UGGT1: variants seen among roughly 807,000 people sequenced by gnomAD.
UGGT1 encodes the protein UDP-glucose:glycoprotein glucosyltransferase 1.
Under a neutral mutation model 203.9 loss-of-function variants are expected in UGGT1, and 107 were observed. The ratio of observed to expected loss-of-function variants is 0.52; its 90% CI spans 0.45 to 0.62. The LOEUF (loss-of-function observed/expected upper bound fraction) is 0.62, where lower values mean the gene tolerates loss of function less well. UGGT1 is among the 20% of genes least tolerant of loss of function. The pLI is 0.00. For missense variants in UGGT1, 1,673 were observed against 1,867.2 expected, an observed-to-expected ratio of 0.90 and a Z score of 1.92; for synonymous variants, 628 against 653.5, an observed-to-expected ratio of 0.96 and a Z score of 0.59.
At chr2:128,095,435 T>TTTC (rs1687071265) in intron 1 of UGGT1, among the ~76,000 whole-genome samples, 1 of 140,136 alleles carries the variant, frequency 7.1e-6, no homozygotes, top group African/African-American at 2.7e-5. Context: ...CCCTCCTCCT[T>TTTC]CTCTTCCTCC....
At chr2:128,143,022 A>G in intron 16 of UGGT1, 72 bp from the exon 17 acceptor site, 1 of 1,418,612 alleles carries the variant, frequency 7.0e-7, no homozygotes, top group Admixed American at 2.6e-5. Flanking sequence ...CTAAATTCAG[A>G]AAAATGTGGA....
chr2:128,113,255 A>G lies in UGGT1; in HGVS notation c.693A>G (p.Ile231Met). The change falls in exon 6 of 41, where the codon ATA becomes ATG. Residue 231 changes from isoleucine to methionine, a missense_variant. By Grantham distance (10) the Ile-to-Met change is conservative. Around this residue, in one of 4 missense-constraint regions of UGGT1, gnomAD observed 1,073 missense variants for 1,078.7 expected, o/e 0.99. Transcript: ENST00000259253. ...GKINYVFRHY[I>M]FNPRKEPVYL... ...TCAATTATGTATTCAGACATTATAT[A>G]TTTGTAAGTATTGACTTATTTTACA... The G allele has an allele frequency of 6.3e-7, 1 of 1,592,990 alleles. No individual in the cohort carries two copies. The highest frequency in any genetic ancestry group is 8.6e-7 in the Non-Finnish European group (1 of 1,167,832).
At chr2:128,158,976 G>A (rs926901883) in intron 22 of UGGT1, among the ~76,000 whole-genome samples, 3 of 152,134 alleles carry the variant, frequency 2.0e-5, no homozygotes, top group East Asian at 1.9e-4. Context: ...TATATTTACC[G>A]GGAAGGTAAG....
At chr2:128,137,527 CT>C (rs139860824) in intron 15 of UGGT1, among the ~76,000 whole-genome samples, 1,970 of 152,318 alleles carry the variant, frequency 0.013, 53 homozygotes, top group African/African-American at 0.045. Flanking sequence ...TTAATAGTAT[CT>C]TTCACAGGGC....
rs866339164 is a variant in UGGT1, at chr2:128,125,377, A to G, written c.1135-1984A>G. On this transcript the variant is annotated intron_variant, in intron 11 of 40. Transcript: ENST00000259253. Reference sequence around the variant, plus strand: ...AGGGCTTTATATCAGAACTTAGCTAATAATCACCCCTTGTACATGTCCTGT... The same window carrying G: ...AGGGCTTTATATCAGAACTTAGCTAGTAATCACCCCTTGTACATGTCCTGT... 3.9e-5 allele frequency among the ~76,000 whole-genome samples: 6 copies of G among 152,286 alleles called. No homozygotes were observed. The Middle Eastern group carries it at 0.01, about 259-fold the overall frequency.
chr2:128,115,166 G>C lies in UGGT1; in HGVS notation c.739G>C (p.Glu247Gln), dbSNP rs762846484. ...EPVYLSGYGV[E>Q]LAIKSTEYKA... ...TGTTTACCTCTCTGGCTATGGCGTGGAATTGGCCATTAAGAGCACTGAGTA... is the reference window on the plus strand; with the variant it reads ...TGTTTACCTCTCTGGCTATGGCGTGCAATTGGCCATTAAGAGCACTGAGTA... The change falls in exon 7 of 41, where the codon GAA (glutamate) becomes CAA (glutamine). Residue 247 changes from glutamate to glutamine, a missense_variant. Transcript: ENST00000259253. 1 of 1,614,088 alleles carries C rather than the reference G, an allele frequency of 6.2e-7. No individual in the cohort carries two copies. The highest frequency in any genetic ancestry group is 8.5e-7 in the Non-Finnish European group (1 of 1,179,970).
intron 13 of UGGT1, among the ~76,000 whole-genome samples, chr2:128,131,280 G>A (rs1019965427): frequency 3.6e-5 from 5 of 138,056 alleles, no homozygotes; most frequent in Admixed American, 7.2e-5. Context: ...CCAGTCAGGC[G>A]CGGTGGCTCA....
At chr2:128,188,811 G>C (rs2104846738) in intron 40 of UGGT1, among the ~76,000 whole-genome samples, 1 of 152,262 alleles carries the variant, frequency 6.6e-6, no homozygotes, top group African/African-American at 2.4e-5. Context: ...GCAAGACCCT[G>C]TCTCAAAATA....
At chr2:128,120,287 G>C in intron 8 of UGGT1, 69 bp from the exon 9 acceptor site, 1 of 1,428,440 alleles carries the variant, frequency 7.0e-7, no homozygotes, top group Non-Finnish European at 9.7e-7. Context: ...AGATAAAGTT[G>C]GTTTACTTCT....
intron 13 of UGGT1, among the ~76,000 whole-genome samples, chr2:128,132,824 G>A (rs977002838): frequency 3.9e-5 from 6 of 151,962 alleles, no homozygotes; most frequent in African/African-American, 7.3e-5. Context: ...TGATCATCCC[G>A]CCTCAGCCTC....
At chr2:128,178,435 C>T in intron 33 of UGGT1, 33 bp from the exon 34 acceptor site, 1 of 1,564,004 alleles carries the variant, frequency 6.4e-7, no homozygotes, top group Non-Finnish European at 8.7e-7. Flanking sequence ...ATGAGTGTTT[C>T]AAGTGGTCTT....
intron 17 of UGGT1, among the ~76,000 whole-genome samples, chr2:128,144,536 A>T: frequency 6.6e-6 from 1 of 152,224 alleles, no homozygotes; most frequent in East Asian, 1.9e-4. Context: ...TCAAAACTAA[A>T]GTTAGATGAA....
chr2:128,151,527 A>G (rs992508973), intron 18 of UGGT1, among the ~76,000 whole-genome samples: 1 of 152,212 alleles, frequency 6.6e-6, no homozygotes, highest in African/African-American at 2.4e-5. Flanking sequence ...TGATTGGTTC[A>G]TATGCTCCTT....
chr2:128,107,568 G>A (rs73957672), intron 3 of UGGT1, among the ~76,000 whole-genome samples: 42 of 152,302 alleles, frequency 2.8e-4, no homozygotes, highest in Middle Eastern at 6.8e-3. Flanking sequence ...AAACAAAGAC[G>A]TGTTCTGGGA....
chr2:128,144,704 T>C (rs1191529964), intron 17 of UGGT1, among the ~76,000 whole-genome samples: 1 of 152,236 alleles, frequency 6.6e-6, no homozygotes, highest in Non-Finnish European at 1.5e-5. Context: ...TGCCATGTTT[T>C]AGGCTGTCAG....
At position 128,161,220 on chromosome 2, in the gene UGGT1, G is replaced by A. The variant is rs1188753100; in HGVS notation, c.2777G>A (p.Gly926Glu). Residue 926 changes from glycine to glutamate, a missense_variant, in exon 25 of 41, where the codon GGA (glycine) becomes GAA (glutamate). By Grantham distance (98) the Gly-to-Glu change is moderately conservative. Transcript: ENST00000259253. ...GAAAATATCATCTTAAAAACCTCAG[G>A]ACAGAAAATAAAATCTCATATTCAA... ...LLENIILKTS[G>E]QKIKSHIQQL... is the part of the protein sequence containing the mutation. 3.1e-6 allele frequency: 5 copies of A among 1,613,828 alleles called. No individual in the cohort carries two copies. In the South Asian group the frequency reaches 4.4e-5, roughly 14 times the overall value.
chr2:128,120,377 G>A lies in UGGT1; in HGVS notation c.894G>A (p.Glu298=). ...TTAGAGATCTGCACCCCGACCTGGA[G>A]GGACAGTTGAAAGAACTCAGAAAGC... ...GKLRDLHPDL[E]GQLKELRKHL... Residue 298 remains glutamate, a synonymous_variant, in exon 9 of 41, where the codon GAG becomes GAA. Coordinates refer to ENST00000259253, the MANE Select transcript of UGGT1 (RefSeq NM_020120.4). 6.2e-7 allele frequency: 1 copy of A among 1,613,902 alleles called. No homozygotes were observed. The highest frequency in any genetic ancestry group is 8.5e-7 in the Non-Finnish European group (1 of 1,179,954).
intron 3 of UGGT1, among the ~76,000 whole-genome samples, 195 bp from the exon 4 acceptor site, chr2:128,107,743 G>C (rs1687667517): frequency 6.6e-6 from 1 of 152,184 alleles, no homozygotes; most frequent in African/African-American, 2.4e-5. Context: ...AGTTCGAAAG[G>C]TGAGAAGAGA....
intron 22 of UGGT1, among the ~76,000 whole-genome samples, chr2:128,158,636 TG>T (rs1231995995): frequency 3.9e-5 from 6 of 152,240 alleles, no homozygotes; most frequent in African/African-American, 1.4e-4. Context: ...GTTTTTAGCT[TG>T]GTGCTATTAT....
Sources: gnomAD v4.1 joint callset for allele counts (sites outside exome capture counted in the v4.1 genomes callset) on GRCh38, gnomAD v4.1.1 for gene constraint, gnomAD v4.1.1 regional missense constraint, MANE v1.5 for transcripts, NCBI Gene and HGNC (gene_info 2026-07-23, HGNC 2026-07-21) for gene names.